Variants in HDX observed in about 807,000 individuals in gnomAD.
HDX encodes the protein highly divergent homeobox, also known as chromosome X open reading frame 43.
In HDX, 19 loss-of-function variants were observed where a neutral mutation model predicts 45.2. The ratio of observed to expected loss-of-function variants is 0.42; its 90% CI spans 0.29 to 0.62. HDX has a LOEUF of 0.62. HDX is among the 20% of genes least tolerant of loss of function. The pLI is 0.20. For missense variants in HDX, 532 were observed against 493.9 expected (o/e 1.08, Z -0.73); for synonymous variants, 188 against 172.8 (o/e 1.09, Z -0.69).
Position 84,437,257 on chromosome X carries a change from A to G in HDX, c.1305+3275T>C, listed in dbSNP as rs189359562. Among the ~76,000 whole-genome samples, 4 of 110,861 alleles carry G rather than the reference A, an allele frequency of 3.6e-5. No homozygotes were observed. The East Asian group carries it at 1.2e-3, about 32-fold the overall frequency. ...ATAAAGGTAATAATTTAATTCAAGGAGCAATCTTGAATTGTTTCCAGTCTA... is the reference window on the plus strand; with the variant it reads ...ATAAAGGTAATAATTTAATTCAAGGGGCAATCTTGAATTGTTTCCAGTCTA... On this transcript the variant is annotated intron_variant, in intron 5 of 10. Coordinates refer to ENST00000373177, the MANE Select transcript of HDX (RefSeq NM_001177479.2).
At chrX:84,487,338 C>T (rs2040815533) in intron 2 of HDX, among the ~76,000 whole-genome samples, 1 of 112,057 alleles carries the variant, frequency 8.9e-6, no homozygotes, top group Non-Finnish European at 1.9e-5. Flanking sequence ...TTGGCATCTC[C>T]TGTTGAGTAT....
intron 6 of HDX, among the ~76,000 whole-genome samples, chrX:84,355,726 G>A (rs907718551): frequency 9.1e-6 from 1 of 109,583 alleles, no homozygotes; most frequent in Non-Finnish European, 1.9e-5. Flanking sequence ...GGAGGAGGGG[G>A]GAGGGATAGC....
intron 5 of HDX, among the ~76,000 whole-genome samples, chrX:84,415,200 T>A (rs2039075955): frequency 1.8e-5 from 2 of 112,199 alleles, no homozygotes; most frequent in South Asian, 3.7e-4. Flanking sequence ...ACCTTTTTTA[T>A]ACCACTTTTC....
At chrX:84,411,895 T>TATAGGTCAA (rs914635084) in intron 5 of HDX, among the ~76,000 whole-genome samples, 6 of 111,837 alleles carry the variant, frequency 5.4e-5, no homozygotes, top group Admixed American at 9.5e-5. Context: ...TTTTATTACA[T>TATAGGTCAA]TGACCCTTTA....
chrX:84,368,322 T>C (rs968248812), intron 5 of HDX, among the ~76,000 whole-genome samples: 3 of 112,108 alleles, frequency 2.7e-5, no homozygotes, highest in Non-Finnish European at 3.8e-5. Flanking sequence ...TGTTGTCTTT[T>C]TTACACAATG....
intron 4 of HDX, among the ~76,000 whole-genome samples, chrX:84,446,102 G>C (rs947902208): frequency 1.5e-3 from 162 of 111,328 alleles, no homozygotes; most frequent in African/African-American, 5.1e-3. Context: ...AAAAATAATG[G>C]AAGATAAAAA....
intron 10 of HDX, among the ~76,000 whole-genome samples, chrX:84,325,652 G>A (rs2036693154): frequency 9.0e-6 from 1 of 111,474 alleles, no homozygotes; most frequent in South Asian, 3.7e-4. Flanking sequence ...TACTTAAATT[G>A]GGAAAAGTAA....
At chrX:84,333,311 C>T (rs1177933744) in intron 9 of HDX, among the ~76,000 whole-genome samples, 1 of 111,228 alleles carries the variant, frequency 9.0e-6, no homozygotes, top group African/African-American at 3.3e-5. Context: ...TCTGTATTTG[C>T]TTTGGAAATT....
At chrX:84,385,146 C>T (rs1198488409) in intron 5 of HDX, among the ~76,000 whole-genome samples, 1 of 95,625 alleles carries the variant, frequency 1.0e-5, no homozygotes, top group Non-Finnish European at 2.1e-5. Context: ...TTGATTTTTC[C>T]AATTCATGAG....
intron 2 of HDX, among the ~76,000 whole-genome samples, chrX:84,486,734 A>T (rs2040800702): frequency 9.1e-6 from 1 of 109,480 alleles, no homozygotes; most frequent in Admixed American, 9.8e-5. Context: ...TTTCCTATGT[A>T]TATGCTGTTT....
intron 9 of HDX, among the ~76,000 whole-genome samples, chrX:84,333,438 C>T (rs1471517455): frequency 3.6e-5 from 4 of 111,292 alleles, no homozygotes; most frequent in Non-Finnish European, 7.6e-5. Flanking sequence ...ATCCCTTTTA[C>T]TATCATTTAA....
intron 6 of HDX, among the ~76,000 whole-genome samples, chrX:84,349,678 C>A (rs1342174620): frequency 1.9e-4 from 1 of 5,170 alleles, no homozygotes; most frequent in African/African-American, 7.1e-4. Context: ...TTAACCCTAG[C>A]CCTGTGTGTG....
chrX:84,373,066 C>A (rs2037938961), intron 5 of HDX, among the ~76,000 whole-genome samples: 2 of 110,995 alleles, frequency 1.8e-5, no homozygotes, highest in Admixed American at 9.7e-5. Flanking sequence ...TGGGTTAATT[C>A]ATAAAAGCTG....
At chrX:84,470,129 A>G (rs2040428829) in intron 3 of HDX, among the ~76,000 whole-genome samples, 1 of 111,897 alleles carries the variant, frequency 8.9e-6, no homozygotes, top group South Asian at 3.7e-4. Flanking sequence ...GATTATTTAT[A>G]GTATTTTTTG....
intron 6 of HDX, among the ~76,000 whole-genome samples, chrX:84,356,937 A>C (rs1023445862): frequency 9.0e-6 from 1 of 110,628 alleles, no homozygotes; most frequent in African/African-American, 3.3e-5. Context: ...TGGATATCTT[A>C]TCTTTATTTT....
In HDX at chrX:84,320,214, G is replaced by T. The variant is rs903282939; in HGVS notation, c.*1675C>A. ...TTACTCTCTGCTGCTTTCTCTGAATGGAATTTGACTTGTCAGCAAGAAAAA... is the reference window on the plus strand; with the variant it reads ...TTACTCTCTGCTGCTTTCTCTGAATTGAATTTGACTTGTCAGCAAGAAAAA... On this transcript the variant is annotated 3_prime_UTR_variant, in exon 11 of 11. Coordinates refer to ENST00000373177, the MANE Select transcript of HDX (RefSeq NM_001177479.2). The T allele has an allele frequency of 9.0e-6, 1 of 110,783 alleles. No individual in the cohort carries two copies. The highest frequency in any genetic ancestry group is 1.9e-5 in the Non-Finnish European group (1 of 52,345). 9.1% of individuals were successfully genotyped at this position (110,783 alleles called of 1,213,427 possible).
intron 5 of HDX, among the ~76,000 whole-genome samples, chrX:84,378,910 A>G (rs1173044309): frequency 9.0e-6 from 1 of 111,138 alleles, no homozygotes; most frequent in African/African-American, 3.3e-5. Context: ...TGTCTACAAG[A>G]AACACACTTC....
At chrX:84,411,198 C>T (rs1393741877) in intron 5 of HDX, among the ~76,000 whole-genome samples, 1 of 111,426 alleles carries the variant, frequency 9.0e-6, no homozygotes, top group East Asian at 2.8e-4. Context: ...TTGACTTCTG[C>T]TGGTTTGGGG....
chrX:84,374,162 G>C (rs1156842092), intron 5 of HDX, among the ~76,000 whole-genome samples: 57 of 111,248 alleles, frequency 5.1e-4, no homozygotes, highest in African/African-American at 1.8e-3. Context: ...ATTCACAATT[G>C]CTTAAAAGAG....
Sources: gnomAD v4.1 joint callset for allele counts (sites outside exome capture counted in the v4.1 genomes callset) on GRCh38, gnomAD v4.1.1 for gene constraint, MANE v1.5 for transcripts, NCBI Gene and HGNC (gene_info 2026-07-23, HGNC 2026-07-21) for gene names.